BUB1: variants seen among roughly 807,000 people sequenced by gnomAD.
BUB1 encodes BUB1 mitotic checkpoint serine/threonine kinase, also known as mitotic checkpoint serine/threonine-protein kinase BUB1.
A neutral mutation model predicts 135.2 loss-of-function variants in BUB1; 84 were observed. The observed-to-expected ratio is 0.62, with a 90% confidence interval of 0.52 to 0.74. The LOEUF (loss-of-function observed/expected upper bound fraction) is 0.74, where lower values mean the gene tolerates loss of function less well. Ranked by LOEUF, BUB1 falls within the 30% of genes least tolerant of loss-of-function variation. BUB1 has a pLI of 0.00. For missense variants in BUB1, 1,162 were observed against 1,288.3 expected (o/e 0.90, Z 1.50); for synonymous variants, 403 against 434.4 (o/e 0.93, Z 0.90).
Position 110,655,811 on chromosome 2 carries a change from A to G in BUB1, c.1804T>C (p.Ser602Pro). The G allele has an allele frequency of 6.2e-7, 1 of 1,614,000 alleles. No homozygotes were observed. The highest frequency in any genetic ancestry group is 1.7e-5 in the Admixed American group (1 of 60,002). The change falls in exon 16 of 25, where the codon TCT (serine) becomes CCT (proline). Residue 602 changes from serine (S) to proline (P), a missense_variant. Physicochemically the swap from Ser to Pro is moderately conservative, Grantham distance 74. Coordinates refer to ENST00000302759, the MANE Select transcript of BUB1 (RefSeq NM_004336.5). ...GGTGTAGACGCAAGTTGTGCAGCAGATGTGAAGTCTCCTGGGCTCTTAGGA... is the reference window on the plus strand; with the variant it reads ...GGTGTAGACGCAAGTTGTGCAGCAGGTGTGAAGTCTCCTGGGCTCTTAGGA... ...PSPKSPGDFT[S>P]AAQLASTPFH... is the part of the protein sequence containing the mutation.
rs1690180720 is a variant in BUB1, at chr2:110,664,219, T to G, written c.957+2044A>C. On this transcript the variant is annotated intron_variant, in intron 9 of 24. Coordinates refer to ENST00000302759, the MANE Select transcript of BUB1 (RefSeq NM_004336.5). Reference sequence around the variant, plus strand: ...CTCTGAAAATATATATCAAGAAAATTCCCCAGAATTGCAAAACTAGAACAT... The same window carrying G: ...CTCTGAAAATATATATCAAGAAAATGCCCCAGAATTGCAAAACTAGAACAT... Among the ~76,000 whole-genome samples, 2 of 151,808 alleles carry G rather than the reference T, an allele frequency of 1.3e-5. 1 individual carries two copies. Among genetic ancestry groups the G allele is most frequent in the Admixed American group, 1.3e-4 (2 of 15,242 alleles).
At chr2:110,639,692 T>C (rs1485105177) in intron 24 of BUB1, 50 bp downstream of exon 24, 1 of 1,403,998 alleles carries the variant, frequency 7.1e-7, no homozygotes. Context: ...GAACCCAACA[T>C]TCTACTTTAG....
intron 5 of BUB1, among the ~76,000 whole-genome samples, chr2:110,670,125 G>C (rs1690378612): frequency 6.8e-6 from 1 of 146,604 alleles, no homozygotes; most frequent in South Asian, 2.1e-4. Flanking sequence ...AAATTGGATG[G>C]GTTTTTTTTT....
At chr2:110,638,872 C>A (rs934889000) in intron 24 of BUB1, among the ~76,000 whole-genome samples, 1 of 152,042 alleles carries the variant, frequency 6.6e-6, no homozygotes, top group Non-Finnish European at 1.5e-5. Context: ...AGGGCCTGAA[C>A]CTAACCTTAC....
In BUB1 at chr2:110,657,095, G is replaced by A. The variant is rs1390951355; in HGVS notation, c.1639C>T (p.Pro547Ser). Residue 547 changes from proline to serine, a missense_variant, in exon 15 of 25, where the codon CCC becomes TCC. Pro to Ser is a moderately conservative substitution (Grantham distance 74). Transcript: ENST00000302759. Reference sequence around the variant, plus strand: ...TCTCCAAAGGTCCTGGCTCCTGTGGGTTTATTTTTAGGCTGTGGTAATCTA... The same window carrying A: ...TCTCCAAAGGTCCTGGCTCCTGTGGATTTATTTTTAGGCTGTGGTAATCTA... Reference protein sequence around the residue: ...NYGLPQPKNKPTGARTFGERS... With the variant: ...NYGLPQPKNKSTGARTFGERS... The A allele has an allele frequency of 1.2e-6, 2 of 1,612,864 alleles. No homozygotes were observed. Among genetic ancestry groups the A allele is most frequent in the South Asian group, 1.1e-5 (1 of 90,832 alleles).
In BUB1 at chr2:110,677,492, A is replaced by AT. The variant is rs201389484; in HGVS notation, c.26+477dup. 6.4e-3 allele frequency among the ~76,000 whole-genome samples: 974 copies of AT among 151,686 alleles called. 6 individuals carry two copies. The highest frequency in any genetic ancestry group is 8.9e-3 in the Non-Finnish European group (603 of 67,854). On this transcript the variant is annotated intron_variant, in intron 1 of 24. Coordinates refer to ENST00000302759, the MANE Select transcript of BUB1 (RefSeq NM_004336.5). ...TAATGAGCAAAGCTATTTTTTTTCA[A>AT]TTTTTTTTTCTTAAAGTACCCTGTA...
intron 19 of BUB1, among the ~76,000 whole-genome samples, chr2:110,644,901 C>T (rs1437116875): frequency 5.3e-5 from 8 of 151,408 alleles, no homozygotes. Flanking sequence ...AGGTTAACCA[C>T]TTAAAAAAAT....
intron 9 of BUB1, 192 bp from the exon 10 acceptor site, chr2:110,662,033 G>T (rs1448871670): frequency 8.1e-6 from 5 of 618,406 alleles, no homozygotes; most frequent in Non-Finnish European, 1.4e-5. Flanking sequence ...CTACAAAATG[G>T]ATGCTTTGTA....
intron 6 of BUB1, among the ~76,000 whole-genome samples, chr2:110,668,443 A>G (rs188026869): frequency 1.2e-4 from 19 of 152,324 alleles, no homozygotes; most frequent in South Asian, 6.2e-4. Context: ...AAGCTGCACT[A>G]CCTGTCAAAG....
chr2:110,670,932 T>C (rs1690402542), intron 4 of BUB1, among the ~76,000 whole-genome samples: 1 of 152,212 alleles, frequency 6.6e-6, no homozygotes, highest in South Asian at 2.1e-4. Flanking sequence ...AATGAATATA[T>C]TTGGAAGAAA....
chr2:110,677,230 G>T (rs75691424), intron 1 of BUB1, among the ~76,000 whole-genome samples: 1 of 152,210 alleles, frequency 6.6e-6, no homozygotes, highest in Non-Finnish European at 1.5e-5. Flanking sequence ...TAGGTTGAAG[G>T]TTACAGAAAA....
At chr2:110,667,075 T>C (rs1417238801) in intron 8 of BUB1, among the ~76,000 whole-genome samples, 1 of 152,202 alleles carries the variant, frequency 6.6e-6, no homozygotes, top group African/African-American at 2.4e-5. Context: ...ATAACTTAGA[T>C]AGTATAAAAG....
At chr2:110,671,787 A>T (rs1289419573) in intron 4 of BUB1, among the ~76,000 whole-genome samples, 2 of 152,258 alleles carry the variant, frequency 1.3e-5, no homozygotes, top group Non-Finnish European at 2.9e-5. Flanking sequence ...CATGCATGCA[A>T]TCCTGTAACA....
At chr2:110,657,411 A>AC (rs769570486) in intron 14 of BUB1, 135 bp downstream of exon 14, 49 of 649,982 alleles carry the variant, frequency 7.5e-5, no homozygotes, top group Non-Finnish European at 1.1e-4. Flanking sequence ...CTTTGGCAAC[A>AC]CCCCCCTGGT....
chr2:110,638,258 G>C, intron 24 of BUB1, 99 bp from the exon 25 acceptor site: 1 of 872,994 alleles, frequency 1.1e-6, no homozygotes, highest in South Asian at 2.1e-5. Flanking sequence ...GGACAGTTTA[G>C]TATAACAACT....
At chr2:110,658,878 A>C in intron 11 of BUB1, 136 bp from the exon 12 acceptor site, 1 of 1,095,112 alleles carries the variant, frequency 9.1e-7, no homozygotes, top group South Asian at 1.6e-5. Flanking sequence ...CCAGTATTAT[A>C]GTGCTTTCAT....
Position 110,667,644 on chromosome 2 carries a change from T to C in BUB1, c.682A>G (p.Lys228Glu). Reference protein sequence around the residue: ...EYSVHSSLASKVDVEQVVMYC... With the variant: ...EYSVHSSLASEVDVEQVVMYC... ...ATAACAACCTGCTCAACATCAACTT[T>C]GGATGCCAAAGATGAGTGCACAGAA... is the stretch of plus-strand genomic sequence containing the variant. The change falls in exon 8 of 25, where the codon AAA becomes GAA. Residue 228 changes from lysine (K) to glutamate (E), a missense_variant. By Grantham distance (56) the Lys-to-Glu change is moderately conservative. Transcript: ENST00000302759. 1 of 1,614,022 alleles carries C rather than the reference T, an allele frequency of 6.2e-7. No individual in the cohort carries two copies. Among genetic ancestry groups the C allele is most frequent in the Non-Finnish European group, 8.5e-7 (1 of 1,179,980 alleles).
chr2:110,674,124 G>T lies in BUB1; in HGVS notation c.187C>A (p.His63Asn), dbSNP rs1348063280. 6.4e-7 allele frequency: 1 copy of T among 1,554,118 alleles called. No homozygotes were observed. Among genetic ancestry groups the T allele is most frequent in the South Asian group, 1.1e-5 (1 of 89,044 alleles). Residue 63 changes from histidine to asparagine, a missense_variant, in exon 3 of 25, where the codon CAC becomes AAC. Transcript: ENST00000302759. ...MKEFLDKKKYHNDPRFISYCL... is the reference protein window; with the variant it reads ...MKEFLDKKKYNNDPRFISYCL... ...TAACTGATGAATCTTGGGTCATTGT[G>T]GTATTTCTTCTTATCTAAAAATTCC...
intron 19 of BUB1, 178 bp from the exon 20 acceptor site, chr2:110,642,412 G>C: frequency 2.4e-6 from 1 of 422,670 alleles, no homozygotes; most frequent in Non-Finnish European, 4.3e-6. Context: ...AACCAAAGTA[G>C]TATGCTCCTA....
Sources: allele counts gnomAD v4.1 joint callset (sites outside exome capture counted in the v4.1 genomes callset), GRCh38; gene constraint gnomAD v4.1.1; transcripts MANE v1.5; gene names NCBI Gene and HGNC (gene_info 2026-07-23, HGNC 2026-07-21).